The following ZNF483 variants were observed in gnomAD, a reference collection of about 807,000 sequenced individuals.
ZNF483 encodes the protein zinc finger protein HIT-10.
ZNF483 carries 9 observed loss-of-function variants against 28.6 expected under a neutral mutation model. The ratio of observed to expected loss-of-function variants is 0.32; its 90% confidence interval spans 0.19 to 0.55. The LOEUF (loss-of-function observed/expected upper bound fraction) is 0.55. ZNF483 is among the 20% of genes least tolerant of loss of function. ZNF483 has a pLI of 0.93. For missense variants in ZNF483, 675 were observed against 871.7 expected (o/e 0.77, Z 2.84); for synonymous variants, 322 against 306.2 (o/e 1.05, Z -0.54).
At chr9:111,575,044 T>TA (rs1343438765) in intron 5 of ZNF483, among the ~76,000 whole-genome samples, 2 of 152,178 alleles carry the variant, frequency 1.3e-5, no homozygotes, top group Non-Finnish European at 2.9e-5. Context: ...CTTACACCTG[T>TA]AATCCCAACA....
chr9:111,537,471 C>A (rs1827541789), intron 5 of ZNF483, among the ~76,000 whole-genome samples: 1 of 152,146 alleles, frequency 6.6e-6, no homozygotes, highest in Non-Finnish European at 1.5e-5. Context: ...CCTTGGCTTC[C>A]TAAAGTGCTG....
chr9:111,532,489 A>T (rs940302167), intron 3 of ZNF483, among the ~76,000 whole-genome samples: 20 of 152,170 alleles, frequency 1.3e-4, no homozygotes, highest in Non-Finnish European at 7.4e-5. Context: ...GGGCCGTAAG[A>T]CAAGGAACTG....
chr9:111,540,528 T>C (rs1046917609), intron 5 of ZNF483, among the ~76,000 whole-genome samples: 1 of 152,074 alleles, frequency 6.6e-6, no homozygotes, highest in African/African-American at 2.4e-5. Context: ...GAATTTATGT[T>C]TGTGATAGTG....
At chr9:111,535,294 A>G (rs947560313) in intron 5 of ZNF483, among the ~76,000 whole-genome samples, 1 of 152,226 alleles carries the variant, frequency 6.6e-6, no homozygotes, top group African/African-American at 2.4e-5. Flanking sequence ...GAGTGTTAAC[A>G]CTGATGCATA....
At chr9:111,566,212 T>A (rs1016932785) in intron 5 of ZNF483, among the ~76,000 whole-genome samples, 31 of 151,426 alleles carry the variant, frequency 2.0e-4, no homozygotes, top group Admixed American at 5.3e-4. Context: ...CAAAAATAAA[T>A]AAATAAATAA....
At chr9:111,576,456 G>T in exon 6 of ZNF483, 1 of 1,613,474 alleles carries the variant, frequency 6.2e-7, no homozygotes, top group South Asian at 1.1e-5. Flanking sequence ...ACACAGAGAT[G>T]ACCAGAGGAT....
intron 5 of ZNF483, among the ~76,000 whole-genome samples, chr9:111,536,757 A>G (rs1240106295): frequency 6.7e-6 from 1 of 148,706 alleles, no homozygotes; most frequent in African/African-American, 2.5e-5. Context: ...TTAACTCTCC[A>G]AAAACATAAC....
Position 111,549,941 on chromosome 9 carries a change from T to C in ZNF483, c.*6771T>C, listed in dbSNP as rs1216112257. 1.7e-6 allele frequency: 1 copy of C among 573,084 alleles called. No homozygotes were observed. The highest frequency in any genetic ancestry group is 2.0e-5 in the African/African-American group (1 of 51,124). 35.5% of individuals were successfully genotyped at this position (573,084 alleles called of 1,614,324 possible). A position where few individuals can be genotyped will look rare whatever the true frequency, so the allele number is the denominator to read the frequency against. On this transcript the variant is annotated 3_prime_UTR_variant, in exon 6 of 6. Transcript: ENST00000309235. The stretch of plus-strand genomic sequence containing the variant: ...TGTGCCTTTGAATGGTCAATACTTG[T>C]TTCTTTGTATGCATCGTGATTGTTT...
rs565243204 is a variant in ZNF483, at chr9:111,563,310, T to C, written c.722-13055T>C. 6.7e-6 allele frequency: 9 copies of C among 1,352,778 alleles called. No individual in the cohort carries two copies. The East Asian group carries it at 2.0e-4, about 30-fold the overall frequency. The allele number at this position is 1,352,778 out of a possible 1,614,324, so 83.8% of individuals were successfully genotyped here. A position where few individuals can be genotyped will look rare whatever the true frequency, so the allele number is the denominator to read the frequency against. On this transcript the variant is annotated intron_variant, in intron 5 of 5. Transcript: ENST00000358151. ...TACTGTTCTCATCCTAGCAACAAATTTATCAGGTACATCATTGGAAACCTT... is the reference window on the plus strand; with the variant it reads ...TACTGTTCTCATCCTAGCAACAAATCTATCAGGTACATCATTGGAAACCTT...
Position 111,555,311 on chromosome 9 carries a change from G to A in ZNF483, c.*12141G>A, listed in dbSNP as rs1564605230. Among the ~76,000 whole-genome samples, 2 of 152,080 alleles carry A rather than the reference G, an allele frequency of 1.3e-5. No homozygotes were observed. Among genetic ancestry groups the A allele is most frequent in the Non-Finnish European group, 2.9e-5 (2 of 68,018 alleles). On this transcript the variant is annotated 3_prime_UTR_variant, in exon 6 of 6. Coordinates refer to ENST00000309235, the MANE Select transcript of ZNF483 (RefSeq NM_133464.5). ...AGGAGTGGCATTTTGAGCTCAAACT[G>A]TTCTGTGCACATTTTCAAACTCTTT...
At chr9:111,560,185 A>C (rs1828232513), downstream of ZNF483, among the ~76,000 whole-genome samples, 2 of 151,800 alleles carry the variant, frequency 1.3e-5, no homozygotes, top group Admixed American at 1.3e-4. Context: ...TCACTACTAA[A>C]AATACAAAAA....
rs1195322999 is a variant in ZNF483, at chr9:111,563,240, AAGC to A, written c.722-13123_722-13121del. The A allele has an allele frequency of 3.1e-6, 5 of 1,606,700 alleles. No homozygotes were observed. The South Asian group carries it at 5.6e-5, about 18-fold the overall frequency. On this transcript the variant is annotated intron_variant, in intron 5 of 5. Transcript: ENST00000358151. ...TTGTACTGGATTTTACCCTGTATCAAAGCAACAACAAATTTTAAAACTTAATTT... is the reference window on the plus strand; with the variant it reads ...TTGTACTGGATTTTACCCTGTATCAAAACAACAAATTTTAAAACTTAATTT...
At position 111,543,065 on chromosome 9, in the gene ZNF483, A is replaced by G. The variant is rs1285382870; in HGVS notation, c.2130A>G (p.Leu710=). Residue 710 remains leucine (L), a synonymous_variant, in exon 6 of 6, where the codon CTA becomes CTG. Coordinates refer to ENST00000309235, the MANE Select transcript of ZNF483 (RefSeq NM_133464.5). ...FSRSSILVEH[L]KIHTGRREYE... ...GAAGCTCAATCCTTGTAGAACACCT[A>G]AAAATTCATACCGGAAGGAGAGAAT... 6.2e-7 allele frequency: 1 copy of G among 1,614,010 alleles called. No homozygotes were observed. Among genetic ancestry groups the G allele is most frequent in the Non-Finnish European group, 8.5e-7 (1 of 1,179,988 alleles).
intron 5 of ZNF483, among the ~76,000 whole-genome samples, chr9:111,565,525 T>C (rs1413254998): frequency 1.3e-5 from 2 of 152,054 alleles, no homozygotes; most frequent in Non-Finnish European, 2.9e-5. Context: ...AAACTTCTAT[T>C]TTTATTTTTG....
In ZNF483 at chr9:111,541,960, A is replaced by T; in HGVS notation, c.1025A>T (p.His342Leu). The change falls in exon 6 of 6, where the codon CAT becomes CTT. Residue 342 changes from histidine to leucine, a missense_variant. By Grantham distance (99) the His-to-Leu change is moderately conservative (BLOSUM62 -3). This residue lies in a region of ZNF483 where 525 missense variants were observed against 581.8 expected (regional missense o/e 0.90). Transcript: ENST00000309235. ...YNESKKPFSF[H>L]SDLVLNRKEK... ...GAAAGCAAGAAACCCTTCAGTTTTCATTCAGACCTTGTTCTGAACCGCAAG... is the reference window on the plus strand; with the variant it reads ...GAAAGCAAGAAACCCTTCAGTTTTCTTTCAGACCTTGTTCTGAACCGCAAG... 2 of 1,614,194 alleles carry T rather than the reference A, an allele frequency of 1.2e-6. No individual in the cohort carries two copies. The highest frequency in any genetic ancestry group is 2.2e-5 in the South Asian group (2 of 91,082).
chr9:111,576,591 C>G (rs1172005681), exon 6 of ZNF483: 1 of 624,052 alleles, frequency 1.6e-6, no homozygotes, highest in Non-Finnish European at 2.7e-6. Flanking sequence ...ACTTCTGAAC[C>G]TCCTTTTGTC....
chr9:111,561,108 TATAG>T lies in ZNF483; in HGVS notation c.722-15255_722-15252del, dbSNP rs1288906867. Reference sequence around the variant, plus strand: ...AAATATATATATATATATATATATATATAGAGAGAGAGAGAGAGAGAGAGAGAGA... The same window carrying T: ...AAATATATATATATATATATATATATAGAGAGAGAGAGAGAGAGAGAGAGA... On this transcript the variant is annotated intron_variant, in intron 5 of 5. Coordinates refer to the ZNF483 transcript ENST00000358151. Among the ~76,000 whole-genome samples the T allele has an allele frequency of 7.0e-3, 145 of 20,858 alleles. 9 individuals carry two copies. The highest frequency in any genetic ancestry group is 0.059 in the Middle Eastern group (2 of 34). The allele number at this position is 20,858 out of a possible 152,430, so 13.7% of individuals were successfully genotyped here. A position where few individuals can be genotyped will look rare whatever the true frequency, so the allele number is the denominator to read the frequency against.
Position 111,541,903 on chromosome 9 carries a change from T to A in ZNF483, c.968T>A (p.Val323Asp). Residue 323 changes from valine (V) to aspartate (D), a missense_variant, in exon 6 of 6, where the codon GTC (valine) becomes GAC (aspartate). Val to Asp is a radical substitution (Grantham distance 152, BLOSUM62 -3). Transcript: ENST00000309235. ...ETSDLIKHLR[V>D]YLRKKSRRYN... is the part of the protein sequence containing the mutation. Reference sequence around the variant, plus strand: ...TCAGACTTAATTAAACATCTGAGAGTCTACTTGAGGAAGAAATCTCGGAGG... The same window carrying A: ...TCAGACTTAATTAAACATCTGAGAGACTACTTGAGGAAGAAATCTCGGAGG... 1 of 1,613,792 alleles carries A rather than the reference T, an allele frequency of 6.2e-7. No homozygotes were observed. The highest frequency in any genetic ancestry group is 8.5e-7 in the Non-Finnish European group (1 of 1,179,958).
In ZNF483 at chr9:111,543,786, T is replaced by C. The variant is rs917667899; in HGVS notation, c.*616T>C. The C allele has an allele frequency of 1.1e-6, 1 of 937,700 alleles. No homozygotes were observed. Among genetic ancestry groups the C allele is most frequent in the African/African-American group, 1.8e-5 (1 of 56,448 alleles). The allele number at this position is 937,700 out of a possible 1,614,324, so 58.1% of individuals were successfully genotyped here. On this transcript the variant is annotated 3_prime_UTR_variant, in exon 6 of 6. Transcript: ENST00000309235. ...TTTTCTTTTTTTTTTCTTTTTTTTT[T>C]TTCAATTTTTCTTTTTTGGGATGGA...
Sources: gnomAD v4.1 joint callset for allele counts (sites outside exome capture counted in the v4.1 genomes callset) on GRCh38, gnomAD v4.1.1 for gene constraint, gnomAD v4.1.1 regional missense constraint, MANE v1.5 for transcripts, NCBI Gene and HGNC (gene_info 2026-07-23, HGNC 2026-07-21) for gene names.